CERS5: variants seen among roughly 807,000 people sequenced by gnomAD.
The protein encoded by CERS5 is LAG1 homolog, ceramide synthase 5.
A neutral mutation model predicts 58.9 loss-of-function variants in CERS5; 37 were observed. The observed-to-expected ratio is 0.63, with a 90% CI of 0.48 to 0.83. The LOEUF (loss-of-function observed/expected upper bound fraction) is 0.83, where lower values mean the gene tolerates loss of function less well. CERS5 is among the 40% of genes least tolerant of loss of function. CERS5 has a pLI of 0.00. For synonymous variants in CERS5, 147 were observed against 177.8 expected, an observed-to-expected ratio of 0.83 and a Z score of 1.38; for missense variants, 398 against 489.3, an observed-to-expected ratio of 0.81 and a Z score of 1.76.
intron 1 of CERS5, among the ~76,000 whole-genome samples, chr12:50,153,148 T>C (rs1259973165): frequency 1.3e-5 from 2 of 151,960 alleles, no homozygotes; most frequent in East Asian, 1.9e-4. Flanking sequence ...AATGATAAAA[T>C]TCAAGCTTTC....
At chr12:50,132,382 A>G (rs552829125) in intron 9 of CERS5, among the ~76,000 whole-genome samples, 2 of 152,100 alleles carry the variant, frequency 1.3e-5, no homozygotes, top group Admixed American at 6.6e-5. Flanking sequence ...AGCCTGGGCA[A>G]CAAGAGCTAA....
At chr12:50,148,946 A>ATATGTG (rs1420401358) in intron 1 of CERS5, among the ~76,000 whole-genome samples, 7 of 103,132 alleles carry the variant, frequency 6.8e-5, no homozygotes, top group African/African-American at 2.0e-4. Flanking sequence ...ATATATATAT[A>ATATGTG]TGTGTGTGTG....
intron 1 of CERS5, among the ~76,000 whole-genome samples, chr12:50,149,006 G>C (rs1400233268): frequency 7.1e-6 from 1 of 140,060 alleles, no homozygotes; most frequent in Non-Finnish European, 1.5e-5. Context: ...AATACATGTA[G>C]AAAACATGTA....
Position 50,140,284 on chromosome 12 carries a change from A to ATTTTTTTTTTTTTTT in CERS5, c.493-1682_493-1668dup, listed in dbSNP as rs57651378. 1.2e-3 allele frequency among the ~76,000 whole-genome samples: 114 copies of ATTTTTTTTTTTTTTT among 96,244 alleles called. 6 individuals carry two copies. Among genetic ancestry groups the ATTTTTTTTTTTTTTT allele is most frequent in the African/African-American group, 5.1e-3 (114 of 22,348 alleles). The allele number at this position is 96,244 out of a possible 152,430, so 63.1% of individuals were successfully genotyped here. On this transcript the variant is annotated intron_variant, in intron 4 of 9. Transcript: ENST00000317551. ...TTGAGAAGAGTTGTTTAACTTCCAA[A>ATTTTTTTTTTTTTTT]TTTTTTTTTTTTTTTTTTTTTTTTT...
intron 4 of CERS5, among the ~76,000 whole-genome samples, chr12:50,139,661 C>T (rs939699169): frequency 2.0e-4 from 30 of 151,920 alleles, no homozygotes; most frequent in African/African-American, 7.0e-4. Context: ...GGCCTGGTGG[C>T]GTATTCCTGT....
intron 9 of CERS5, chr12:50,132,848 A>G (rs1951408083): frequency 8.3e-7 from 1 of 1,204,432 alleles, no homozygotes; most frequent in South Asian, 1.5e-5. Flanking sequence ...AAAAGTCAGG[A>G]GAGAGGGCAT....
rs921578501 is a variant in CERS5, at chr12:50,133,489, C to G, written c.1029+1057G>C. ...CTTATATAAACCATATCTTGAATAT[C>G]ACAGCATGGTCACCTTGTGGTGGCT... is the stretch of plus-strand genomic sequence containing the variant. On this transcript the variant is annotated intron_variant, in intron 9 of 9. Coordinates refer to ENST00000317551, the MANE Select transcript of CERS5 (RefSeq NM_147190.5). 6.1e-6 allele frequency: 6 copies of G among 991,236 alleles called. 1 individual carries two copies. In the South Asian group the frequency reaches 2.3e-4, roughly 38 times the overall value. The allele number at this position is 991,236 out of a possible 1,614,324, so 61.4% of individuals were successfully genotyped here.
rs753414102 is a variant in CERS5, at chr12:50,167,302, C to G, written c.-5G>C. The G allele has an allele frequency of 1.7e-5, 25 of 1,489,232 alleles. No homozygotes were observed. The highest frequency in any genetic ancestry group is 2.7e-5 in the East Asian group (1 of 37,600). The allele number at this position is 1,489,232 out of a possible 1,614,324, so 92.3% of individuals were successfully genotyped here. On this transcript the variant is annotated 5_prime_UTR_variant, in exon 1 of 10. Transcript: ENST00000317551. Reference sequence around the variant, plus strand: ...TCCCTGCGCTGCTGTCGCCATCTTACGCCCACCCCGAAGCCACCGCCGCCA... The same window carrying G: ...TCCCTGCGCTGCTGTCGCCATCTTAGGCCCACCCCGAAGCCACCGCCGCCA...
intron 1 of CERS5, 48 bp downstream of exon 1, chr12:50,167,053 C>G (rs1299997863): frequency 2.1e-6 from 3 of 1,405,134 alleles, no homozygotes; most frequent in Non-Finnish European, 2.8e-6. Flanking sequence ...CAGCGGGGCG[C>G]CCCCGGCCCG....
At chr12:50,142,219 G>A (rs1209040346) in intron 3 of CERS5, 109 bp from the exon 4 acceptor site, 3 of 711,912 alleles carry the variant, frequency 4.2e-6, no homozygotes, top group Non-Finnish European at 7.3e-6. Context: ...TGGTGAGAAA[G>A]AGGATCAATT....
Position 50,144,011 on chromosome 12 carries a change from C to G in CERS5, c.244G>C (p.Gly82Arg). The G allele has an allele frequency of 6.2e-7, 1 of 1,613,344 alleles. No homozygotes were observed. The highest frequency in any genetic ancestry group is 1.3e-5 in the African/African-American group (1 of 75,002). Reference protein sequence around the residue: ...CALCIGIEDSGPYQAQPNAIL... With the variant: ...CALCIGIEDSRPYQAQPNAIL... ...GCATTGGGTTGGGCCTGATAAGGACCACTGTCCTCGATGCCAATACAGAGT... is the reference window on the plus strand; with the variant it reads ...GCATTGGGTTGGGCCTGATAAGGACGACTGTCCTCGATGCCAATACAGAGT... The change falls in exon 2 of 10, where the codon GGT (glycine) becomes CGT (arginine). Residue 82 changes from glycine (G) to arginine (R), a missense_variant. This residue lies in a region of CERS5 where 328 missense variants were observed against 384.5 expected (regional missense o/e 0.85). Coordinates refer to ENST00000317551, the MANE Select transcript of CERS5 (RefSeq NM_147190.5).
chr12:50,140,313 A>G (rs1035412363), intron 4 of CERS5, among the ~76,000 whole-genome samples: 4 of 64,138 alleles, frequency 6.2e-5, no homozygotes, highest in African/African-American at 2.5e-4. Context: ...TTTTTTTGAG[A>G]CAGACAGAGA....
chr12:50,166,598 T>C, intron 1 of CERS5, among the ~76,000 whole-genome samples: 1 of 152,028 alleles, frequency 6.6e-6, no homozygotes, highest in East Asian at 1.9e-4. Flanking sequence ...CTAATCCTGT[T>C]CCCCCCAATT....
chr12:50,142,475 G>C (rs1373496159), intron 3 of CERS5, among the ~76,000 whole-genome samples: 1 of 151,612 alleles, frequency 6.6e-6, no homozygotes, highest in East Asian at 1.9e-4. Context: ...GCTTGGACAT[G>C]GGAGGCGGAG....
chr12:50,130,964 C>G (rs1363638840), intron 9 of CERS5, among the ~76,000 whole-genome samples: 1 of 152,186 alleles, frequency 6.6e-6, no homozygotes, highest in Non-Finnish European at 1.5e-5. Context: ...CCTAAGAGAA[C>G]TGACATCATT....
rs1951257140 is a variant in CERS5 at position 50,130,483 on chromosome 12, G to T, written c.*62C>A. ...GAAGAGTAGATATGGGAAGGGCCAA[G>T]AGGAGTATGTTGCCAGTGGCCCTAC... On this transcript the variant is annotated 3_prime_UTR_variant, in exon 10 of 10. Transcript: ENST00000317551. The T allele has an allele frequency of 4.2e-6, 6 of 1,432,464 alleles. No homozygotes were observed. In the Admixed American group the frequency reaches 7.8e-5, roughly 19 times the overall value. 88.7% of individuals were successfully genotyped at this position (1,432,464 alleles called of 1,614,324 possible).
At chr12:50,144,196 T>C (rs1952136379) in intron 1 of CERS5, 139 bp from the exon 2 acceptor site, 1 of 577,478 alleles carries the variant, frequency 1.7e-6, no homozygotes, top group African/African-American at 1.9e-5. Flanking sequence ...GAAACTGGGG[T>C]AATTACCATA....
intron 1 of CERS5, chr12:50,144,551 A>G: frequency 2.7e-6 from 1 of 377,334 alleles, no homozygotes; most frequent in East Asian, 4.0e-5. Flanking sequence ...ATTGGAGGGA[A>G]AAGTAGAACT....
At chr12:50,145,481 A>G (rs11169283) in intron 1 of CERS5, among the ~76,000 whole-genome samples, 45,619 of 151,938 alleles carry the variant, frequency 0.3, 7,719 homozygotes, top group East Asian at 0.75. Flanking sequence ...CCGTTAACCT[A>G]TTTTCTTGAG....
Sources: gnomAD v4.1 joint callset for allele counts (sites outside exome capture counted in the v4.1 genomes callset) on GRCh38, gnomAD v4.1.1 for gene constraint, gnomAD v4.1.1 regional missense constraint, MANE v1.5 for transcripts, NCBI Gene and HGNC (gene_info 2026-07-23, HGNC 2026-07-21) for gene names.